Variants in PPP3CC observed in about 807,000 individuals in gnomAD.
The protein encoded by PPP3CC is serine/threonine-protein phosphatase 2B catalytic subunit gamma isoform.
In PPP3CC, 35 loss-of-function variants were observed where a neutral mutation model predicts 60.3. The ratio of observed to expected loss-of-function variants is 0.58; its 90% CI spans 0.44 to 0.77. The LOEUF is 0.77. Among genes scored for constraint, PPP3CC ranks in the 30% least tolerant of loss-of-function variants. The pLI, the probability that PPP3CC is intolerant of heterozygous loss-of-function variation, is 0.00. For synonymous variants in PPP3CC, 206 were observed against 224.3 expected (o/e 0.92, Z 0.73); for missense variants, 570 against 628.9 (o/e 0.91, Z 1.00).
rs146307937 is a variant in PPP3CC at position 22,475,031 on chromosome 8, A to C, written c.127A>C (p.Lys43Gln). Reference protein sequence around the residue: ...ENGKPKVDVLKNHLVKEGRLE... With the variant: ...ENGKPKVDVLQNHLVKEGRLE... ...TGGGAAACCTAAAGTTGATGTTTTA[A>C]AAAACCATTTGGTAAAGGAAGGACG... The change falls in exon 2 of 14, where the codon AAA (lysine) becomes CAA (glutamine). Residue 43 changes from lysine (K) to glutamine (Q), a missense_variant. Coordinates refer to ENST00000240139, the MANE Select transcript of PPP3CC (RefSeq NM_005605.5). 2.3e-4 allele frequency: 365 copies of C among 1,613,190 alleles called. 1 individual carries two copies. The African/African-American group carries it at 4.2e-3, about 18-fold the overall frequency.
At chr8:22,463,185 C>G (rs1363485338) in intron 1 of PPP3CC, among the ~76,000 whole-genome samples, 1 of 152,186 alleles carries the variant, frequency 6.6e-6, no homozygotes, top group African/African-American at 2.4e-5. Flanking sequence ...AGTCTGTAGT[C>G]ATCAGTGGCT....
chr8:22,499,922 A>G (rs1284124350), intron 4 of PPP3CC, among the ~76,000 whole-genome samples: 1 of 152,162 alleles, frequency 6.6e-6, no homozygotes, highest in African/African-American at 2.4e-5. Context: ...TTTCTCTGCC[A>G]CCAGAATGTA....
chr8:22,469,249 TATC>T, intron 1 of PPP3CC, among the ~76,000 whole-genome samples: 1 of 152,154 alleles, frequency 6.6e-6, no homozygotes, highest in South Asian at 2.1e-4. Context: ...AAAAGACAAA[TATC>T]ATATATTCTC....
chr8:22,533,053 C>A, intron 12 of PPP3CC, 35 bp downstream of exon 12: 1 of 1,442,982 alleles, frequency 6.9e-7, no homozygotes, highest in Non-Finnish European at 9.4e-7. Flanking sequence ...GGAAGGTGTG[C>A]TCCCGTTACC....
Position 22,441,341 on chromosome 8 carries a change from G to C in PPP3CC, c.-69G>C, listed in dbSNP as rs754412340. 4.1e-5 allele frequency: 61 copies of C among 1,477,570 alleles called. No individual in the cohort carries two copies. In the Admixed American group the frequency reaches 8.2e-4, roughly 20 times the overall value. 91.5% of individuals were successfully genotyped at this position (1,477,570 alleles called of 1,614,324 possible). A position where few individuals can be genotyped will look rare whatever the true frequency, so the allele number is the denominator to read the frequency against. ...CCGGGCAGCTAAGGCTGCCCGAGGA[G>C]AAGGCGGCGGCCGCGGCGTAGGCGC... On this transcript the variant is annotated 5_prime_UTR_variant, in exon 1 of 14. Coordinates refer to ENST00000240139, the MANE Select transcript of PPP3CC (RefSeq NM_005605.5).
rs187308810 is a variant in PPP3CC at position 22,509,262 on chromosome 8, G to C, written c.485-1824G>C. 7.9e-5 allele frequency among the ~76,000 whole-genome samples: 12 copies of C among 152,210 alleles called. No homozygotes were observed. The South Asian group carries it at 1.2e-3, about 16-fold the overall frequency. ...ATTCCCCAAAACCTTGCCAGGACCA[G>C]GCTCTGATCCTTAAATATGTCTTTC... On this transcript the variant is annotated intron_variant, in intron 4 of 13. Transcript: ENST00000240139.
intron 1 of PPP3CC, among the ~76,000 whole-genome samples, chr8:22,441,852 G>GC (rs1024126969): frequency 2.6e-5 from 4 of 151,980 alleles, no homozygotes; most frequent in African/African-American, 9.7e-5. Flanking sequence ...CTTGACGTCC[G>GC]CCCCCCACCC....
intron 3 of PPP3CC, among the ~76,000 whole-genome samples, chr8:22,478,440 G>A (rs1283448936): frequency 1.3e-5 from 2 of 152,154 alleles, no homozygotes; most frequent in Non-Finnish European, 2.9e-5. Context: ...ATGAGCCACC[G>A]CGCCCAGCCT....
At chr8:22,522,139 G>GCACACA (rs35520234) in intron 6 of PPP3CC, among the ~76,000 whole-genome samples, 1 of 148,906 alleles carries the variant, frequency 6.7e-6, no homozygotes, top group Non-Finnish European at 1.5e-5. Flanking sequence ...ACACACACAC[G>GCACACA]CACACACACA....
chr8:22,466,726 T>A (rs1452447919), intron 1 of PPP3CC, among the ~76,000 whole-genome samples: 2 of 152,194 alleles, frequency 1.3e-5, no homozygotes, highest in Non-Finnish European at 2.9e-5. Flanking sequence ...TATTAGCCCT[T>A]TGTCAGATGG....
chr8:22,488,079 A>C (rs373913061), intron 3 of PPP3CC, among the ~76,000 whole-genome samples: 1 of 152,244 alleles, frequency 6.6e-6, no homozygotes, highest in Non-Finnish European at 1.5e-5. Context: ...GTGCCTTTAT[A>C]TATCTCGTTA....
intron 1 of PPP3CC, among the ~76,000 whole-genome samples, chr8:22,461,124 G>A (rs962370625): frequency 7.2e-5 from 11 of 152,304 alleles, no homozygotes; most frequent in Admixed American, 3.9e-4. Context: ...GATTACAGGC[G>A]TGAGCCACCG....
At chr8:22,470,903 G>C (rs1837702349) in intron 1 of PPP3CC, among the ~76,000 whole-genome samples, 1 of 152,178 alleles carries the variant, frequency 6.6e-6, no homozygotes, top group African/African-American at 2.4e-5. Flanking sequence ...ATATACCTAA[G>C]AGAAAAGAGT....
At chr8:22,491,965 A>C (rs150968940) in intron 3 of PPP3CC, among the ~76,000 whole-genome samples, 1 of 152,296 alleles carries the variant, frequency 6.6e-6, no homozygotes, top group African/African-American at 2.4e-5. Flanking sequence ...CATTGTGTCA[A>C]AATTTCCAAC....
chr8:22,522,599 G>T (rs137955781), intron 7 of PPP3CC, 31 bp downstream of exon 7: 1 of 1,592,638 alleles, frequency 6.3e-7, no homozygotes, highest in Non-Finnish European at 8.6e-7. Flanking sequence ...ACCAAATATC[G>T]CTGCAGAGTC....
chr8:22,500,502 T>C (rs1386352561), intron 4 of PPP3CC, among the ~76,000 whole-genome samples: 1 of 152,138 alleles, frequency 6.6e-6, no homozygotes, highest in Non-Finnish European at 1.5e-5. Flanking sequence ...AAAAAAACTT[T>C]TACATTTGTT....
intron 10 of PPP3CC, 106 bp from the exon 11 acceptor site, chr8:22,532,119 T>C: frequency 1.3e-6 from 1 of 783,612 alleles, no homozygotes; most frequent in African/African-American, 1.8e-5. Context: ...CATTTCTGTT[T>C]TTTAAAAACA....
chr8:22,540,985 A>G lies in PPP3CC; in HGVS notation c.*183A>G. On this transcript the variant is annotated 3_prime_UTR_variant, in exon 14 of 14. Transcript: ENST00000240139. ...AATTCTTTTAATTTATGTTCAATAT[A>G]TATAAAAAGTGCATCTGTTTTGTTT... The G allele has an allele frequency of 2.2e-6, 1 of 458,952 alleles. No homozygotes were observed. The highest frequency in any genetic ancestry group is 3.6e-6 in the Non-Finnish European group (1 of 280,040). 28.4% of individuals were successfully genotyped at this position (458,952 alleles called of 1,614,324 possible).
Position 22,528,555 on chromosome 8 carries a change from G to A in PPP3CC, c.1119G>A (p.Leu373=). The A allele has an allele frequency of 1.9e-6, 3 of 1,556,102 alleles. No individual in the cohort carries two copies. The highest frequency in any genetic ancestry group is 1.7e-6 in the Non-Finnish European group (2 of 1,146,316). The change falls in exon 10 of 14, where the codon CTG becomes CTA. Residue 373 remains leucine, a synonymous_variant. Coordinates refer to ENST00000240139, the MANE Select transcript of PPP3CC (RefSeq NM_005605.5). The stretch of plus-strand genomic sequence containing the variant: ...TCAACATATGCTCTGATGACGAACT[G>A]ATTTCTGATGATGAAGCAGAAGGTA... The part of the protein sequence containing the change: ...NVLNICSDDE[L]ISDDEAEGST...
Sources: allele counts gnomAD v4.1 joint callset (sites outside exome capture counted in the v4.1 genomes callset), GRCh38; gene constraint gnomAD v4.1.1; transcripts MANE v1.5; gene names NCBI Gene and HGNC (gene_info 2026-07-23, HGNC 2026-07-21).